Variants in SH3GL3 observed in about 807,000 individuals in gnomAD.
SH3GL3 encodes the protein SH3 domain containing GRB2 like 3, endophilin A3.
In SH3GL3, 33 loss-of-function variants were observed where a neutral mutation model predicts 47.7. The ratio of observed to expected loss-of-function variants is 0.69; its 90% confidence interval spans 0.52 to 0.92. SH3GL3 has a LOEUF of 0.92. Among genes scored for constraint, SH3GL3 ranks in the 40% least tolerant of loss-of-function variants. SH3GL3 has a pLI of 0.00. For synonymous variants in SH3GL3, 155 were observed against 148.8 expected (o/e 1.04, Z -0.30); for missense variants, 363 against 417.8 (o/e 0.87, Z 1.14).
At chr15:83,480,161 C>T (rs2041282704) in intron 1 of SH3GL3, among the ~76,000 whole-genome samples, 1 of 152,092 alleles carries the variant, frequency 6.6e-6, no homozygotes, top group African/African-American at 2.4e-5. Context: ...ACTGTTACAA[C>T]AAAAACGCAA....
chr15:83,627,396 CAAAA>C, the SH3GL3 span, among the ~76,000 whole-genome samples: 1 of 75,330 alleles, frequency 1.3e-5, no homozygotes. Context: ...GATGCCGTCT[CAAAA>C]AAAAAAAAAA....
intron 1 of SH3GL3, among the ~76,000 whole-genome samples, 162 bp from the exon 2 acceptor site, chr15:83,559,091 T>C (rs932249129): frequency 2.6e-5 from 4 of 152,232 alleles, no homozygotes; most frequent in African/African-American, 9.6e-5. Context: ...TTCCTGTGCC[T>C]TTAGATATGG....
chr15:83,449,579 A>C (rs976584469), intron 1 of SH3GL3, among the ~76,000 whole-genome samples: 1 of 152,266 alleles, frequency 6.6e-6, no homozygotes, highest in African/African-American at 2.4e-5. Flanking sequence ...GGTTTCTGAC[A>C]GTAACCAGAA....
chr15:83,547,619 A>T (rs971070324), intron 1 of SH3GL3, among the ~76,000 whole-genome samples: 3 of 151,656 alleles, frequency 2.0e-5, no homozygotes, highest in Non-Finnish European at 2.9e-5. Flanking sequence ...TGCAGGGGGG[A>T]CGATTGCTGG....
At chr15:83,546,323 T>G (rs1194056893) in intron 1 of SH3GL3, among the ~76,000 whole-genome samples, 6 of 151,934 alleles carry the variant, frequency 3.9e-5, no homozygotes, top group African/African-American at 1.4e-4. Flanking sequence ...CTCAGGCCCA[T>G]GGCAACTATA....
chr15:83,574,991 G>A lies in SH3GL3; in HGVS notation c.466-1592G>A, dbSNP rs570539932. ...AGTCCATTCCTCGGGGTGAGTGATC[G>A]TGGTTTGTTCCTTGTAGTCACAAGC... On this transcript the variant is annotated intron_variant, in intron 5 of 8. Transcript: ENST00000427482. Among the ~76,000 whole-genome samples, 9 of 152,298 alleles carry A rather than the reference G, an allele frequency of 5.9e-5. No individual in the cohort carries two copies. The East Asian group carries it at 9.6e-4, about 16-fold the overall frequency.
chr15:83,574,368 C>T (rs1433844977), intron 5 of SH3GL3, among the ~76,000 whole-genome samples: 3 of 152,156 alleles, frequency 2.0e-5, no homozygotes, highest in African/African-American at 2.4e-5. Context: ...TCTTCCATCT[C>T]AGGGGAAACA....
At chr15:83,474,452 A>C (rs919619721) in intron 1 of SH3GL3, among the ~76,000 whole-genome samples, 1 of 152,176 alleles carries the variant, frequency 6.6e-6, no homozygotes, top group African/African-American at 2.4e-5. Flanking sequence ...TTTTTTAAAA[A>C]GCTGTGCAGG....
In SH3GL3 at chr15:83,462,188, G is replaced by A. The variant is rs558808166; in HGVS notation, c.45+14610G>A. Among the ~76,000 whole-genome samples, 90 of 152,292 alleles carry A rather than the reference G, an allele frequency of 5.9e-4. 1 individual carries two copies. The highest frequency in any genetic ancestry group is 9.7e-4 in the Non-Finnish European group (66 of 68,020). ...GGCCACACAGAAAGTTCACCAAACC[G>A]CCTGATGCCATAGTCAGAGGCATTC... On this transcript the variant is annotated intron_variant, in intron 1 of 8. Transcript: ENST00000427482.
At chr15:83,457,952 T>C (rs1340288838) in intron 1 of SH3GL3, among the ~76,000 whole-genome samples, 1 of 152,232 alleles carries the variant, frequency 6.6e-6, no homozygotes, top group Non-Finnish European at 1.5e-5. Context: ...CAGGGATTTT[T>C]TTCCCTATTG....
intron 4 of SH3GL3, among the ~76,000 whole-genome samples, chr15:83,572,121 C>G (rs985697788): frequency 1.3e-5 from 2 of 152,196 alleles, no homozygotes; most frequent in Admixed American, 1.3e-4. Flanking sequence ...GATCCCACGG[C>G]TAGAAGCTGA....
downstream of SH3GL3, among the ~76,000 whole-genome samples, chr15:83,623,579 C>T (rs368639279): frequency 7.2e-5 from 11 of 152,314 alleles, no homozygotes; most frequent in African/African-American, 2.4e-4. Context: ...TCACAGGCTG[C>T]GCCTGCTACC....
chr15:83,628,389 T>C, the SH3GL3 span, among the ~76,000 whole-genome samples: 1 of 152,232 alleles, frequency 6.6e-6, no homozygotes, highest in Non-Finnish European at 1.5e-5. Flanking sequence ...TATAACTGCT[T>C]TTTAAGTTTA....
intron 1 of SH3GL3, among the ~76,000 whole-genome samples, chr15:83,456,932 G>A (rs572363289): frequency 1.0e-3 from 158 of 152,326 alleles, no homozygotes; most frequent in African/African-American, 3.7e-3. Flanking sequence ...GATGTAGCTT[G>A]AGCTATTATA....
intron 1 of SH3GL3, among the ~76,000 whole-genome samples, chr15:83,516,716 T>A (rs2042992951): frequency 6.6e-6 from 1 of 152,032 alleles, no homozygotes; most frequent in Non-Finnish European, 1.5e-5. Context: ...TGCCTCATGA[T>A]CAAACACCTC....
intron 1 of SH3GL3, among the ~76,000 whole-genome samples, chr15:83,479,832 GC>G (rs1291360757): frequency 6.6e-6 from 1 of 152,116 alleles, no homozygotes; most frequent in African/African-American, 2.4e-5. Flanking sequence ...TGTGATCTTG[GC>G]CACACTACTT....
intron 1 of SH3GL3, among the ~76,000 whole-genome samples, chr15:83,500,532 G>A (rs1305394517): frequency 6.6e-6 from 1 of 152,194 alleles, no homozygotes; most frequent in African/African-American, 2.4e-5. Context: ...TCTTGGGTGA[G>A]ATGCTGCATT....
chr15:83,576,937 A>ATTTTT (rs2059699639), intron 6 of SH3GL3, among the ~76,000 whole-genome samples, 196 bp downstream of exon 6: 1 of 5,858 alleles, frequency 1.7e-4, no homozygotes, highest in Non-Finnish European at 6.6e-4. Flanking sequence ...TTTTTTTTTG[A>ATTTTT]GACGCTGTCT....
intron 1 of SH3GL3, among the ~76,000 whole-genome samples, chr15:83,475,889 T>G (rs1261971966): frequency 2.0e-5 from 3 of 152,246 alleles, no homozygotes; most frequent in African/African-American, 7.2e-5. Context: ...AGCTTTGTCT[T>G]TTATAAATAA....
Sources: allele counts gnomAD v4.1 joint callset (sites outside exome capture counted in the v4.1 genomes callset), GRCh38; gene constraint gnomAD v4.1.1; transcripts MANE v1.5; gene names NCBI Gene and HGNC (gene_info 2026-07-23, HGNC 2026-07-21).